Variants in AKNAD1 observed in about 807,000 individuals in gnomAD.
The protein encoded by AKNAD1 is AKNA domain containing 1, also known as protein AKNAD1.
AKNAD1 carries 67 observed loss-of-function variants against 90.8 expected under a neutral mutation model. The ratio of observed to expected loss-of-function variants is 0.74; its 90% confidence interval spans 0.61 to 0.90. The LOEUF (loss-of-function observed/expected upper bound fraction) is 0.90, where lower values mean the gene tolerates loss of function less well. AKNAD1 is among the 40% of genes least tolerant of loss of function. The pLI, the probability that AKNAD1 is intolerant of heterozygous loss-of-function variation, is 0.00. For synonymous variants in AKNAD1, 327 were observed against 341.4 expected (o/e 0.96, Z 0.46); for missense variants, 957 against 975.4 (o/e 0.98, Z 0.25).
At position 108,856,917 on chromosome 1, in the gene AKNAD1, G is replaced by A. The variant is rs1013271848; in HGVS notation, c.-104+12C>T. On this transcript the variant is annotated intron_variant, in intron 1 of 15. Coordinates refer to ENST00000370001, the MANE Select transcript of AKNAD1 (RefSeq NM_152763.5). ...ATCAAGAGGATTTTTTCTGGAAAAG[G>A]ACAATCCATACCCTTAGCAAGGTAA... 7 of 152,120 alleles carry A rather than the reference G, an allele frequency of 4.6e-5. No homozygotes were observed. Among genetic ancestry groups the A allele is most frequent in the African/African-American group, 1.7e-4 (7 of 41,424 alleles). 9.4% of individuals were successfully genotyped at this position (152,120 alleles called of 1,614,324 possible). A position where few individuals can be genotyped will look rare whatever the true frequency, so the allele number is the denominator to read the frequency against.
chr1:108,840,681 A>G (rs540263937), intron 6 of AKNAD1, among the ~76,000 whole-genome samples: 21 of 152,338 alleles, frequency 1.4e-4, no homozygotes, highest in Admixed American at 5.2e-4. Context: ...ACAGTTCTGT[A>G]TACATGTGGA....
chr1:108,817,152 A>G lies in AKNAD1; in HGVS notation c.2275T>C (p.Tyr759His). 6.2e-7 allele frequency: 1 copy of G among 1,614,080 alleles called. No homozygotes were observed. Among genetic ancestry groups the G allele is most frequent in the Non-Finnish European group, 8.5e-7 (1 of 1,180,000 alleles). Residue 759 changes from tyrosine (Y) to histidine (H), a missense_variant, in exon 15 of 16, where the codon TAC (tyrosine) becomes CAC (histidine). Tyr to His is a moderately conservative substitution (Grantham distance 83). Transcript: ENST00000370001. ...GKKKLQAFMT[Y>H]SSDPATPSPH... ...GAGGGTGTTGCAGGGTCTGAGCTGT[A>G]GGTCATGAAAGCCTGAAGTTTTTTT...
intron 11 of AKNAD1, among the ~76,000 whole-genome samples, chr1:108,824,860 T>C (rs1663944486): frequency 1.3e-5 from 2 of 151,786 alleles, no homozygotes; most frequent in South Asian, 4.2e-4. Context: ...CTTTAAAATG[T>C]AGAGCCTAAT....
intron 5 of AKNAD1, among the ~76,000 whole-genome samples, chr1:108,844,978 C>G (rs1040610444): frequency 2.0e-5 from 3 of 152,022 alleles, no homozygotes; most frequent in African/African-American, 7.3e-5. Flanking sequence ...ACCACCATGC[C>G]TGGCTAATTT....
In AKNAD1 at chr1:108,834,926, C is replaced by A. The variant is rs777089381; in HGVS notation, c.1664+3G>T. 1.3e-6 allele frequency: 2 copies of A among 1,530,092 alleles called. No individual in the cohort carries two copies. The allele number at this position is 1,530,092 out of a possible 1,614,324, so 94.8% of individuals were successfully genotyped here. A position where few individuals can be genotyped will look rare whatever the true frequency, so the allele number is the denominator to read the frequency against. ...CTGCTGGGGCTCCAGGGCTAGGACT[C>A]ACGTCTGCGGGGCCAGCTCACAGAG... On this transcript the variant is annotated splice_donor_region_variant and intron_variant, in intron 8 of 15. Transcript: ENST00000370001.
At chr1:108,830,502 A>G in intron 10 of AKNAD1, 57 bp downstream of exon 10, 1 of 1,542,232 alleles carries the variant, frequency 6.5e-7, no homozygotes, top group East Asian at 2.2e-5. Flanking sequence ...CACTGGAGTT[A>G]CTATGCCAGG....
intron 5 of AKNAD1, among the ~76,000 whole-genome samples, chr1:108,847,507 T>G (rs1426435529): frequency 6.7e-6 from 1 of 149,800 alleles, no homozygotes; most frequent in Non-Finnish European, 1.5e-5. Context: ...GCCTCAGGCA[T>G]GGCTTAAAGG....
chr1:108,847,481 G>A (rs968681019), intron 5 of AKNAD1, among the ~76,000 whole-genome samples: 1 of 149,738 alleles, frequency 6.7e-6, no homozygotes, highest in Non-Finnish European at 1.5e-5. Flanking sequence ...AACCTTCAAT[G>A]CTGCCCAATT....
At chr1:108,853,688 C>A (rs1194991567) in intron 1 of AKNAD1, among the ~76,000 whole-genome samples, 1 of 152,030 alleles carries the variant, frequency 6.6e-6, no homozygotes, top group African/African-American at 2.4e-5. Context: ...AATCCCAGCA[C>A]TTTGGGAGGC....
chr1:108,820,801 C>T (rs1663788035), intron 13 of AKNAD1, among the ~76,000 whole-genome samples, 175 bp from the exon 14 acceptor site: 1 of 152,130 alleles, frequency 6.6e-6, no homozygotes, highest in African/African-American at 2.4e-5. Flanking sequence ...GTGGCTCACG[C>T]CTGTAATCCC....
In AKNAD1 at chr1:108,817,158, T is replaced by C. The variant is rs758957023; in HGVS notation, c.2269A>G (p.Met757Val). The change falls in exon 15 of 16, where the codon ATG becomes GTG. Residue 757 changes from methionine (M) to valine (V), a missense_variant. Transcript: ENST00000370001. Reference sequence around the variant, plus strand: ...GTTGCAGGGTCTGAGCTGTAGGTCATGAAAGCCTGAAGTTTTTTTCTGGAA... The same window carrying C: ...GTTGCAGGGTCTGAGCTGTAGGTCACGAAAGCCTGAAGTTTTTTTCTGGAA... ...TPGKKKLQAF[M>V]TYSSDPATPS... The C allele has an allele frequency of 1.9e-6, 3 of 1,614,024 alleles. No homozygotes were observed. Among genetic ancestry groups the C allele is most frequent in the South Asian group, 1.1e-5 (1 of 91,058 alleles).
chr1:108,836,572 G>T (rs1449391220), intron 7 of AKNAD1, among the ~76,000 whole-genome samples: 1 of 152,166 alleles, frequency 6.6e-6, no homozygotes, highest in South Asian at 2.1e-4. Flanking sequence ...ATTTTGCCAG[G>T]CAAGTAAGTG....
chr1:108,837,479 A>T, intron 7 of AKNAD1, 71 bp downstream of exon 7: 1 of 1,416,700 alleles, frequency 7.1e-7, no homozygotes, highest in Non-Finnish European at 9.6e-7. Context: ...TGAATCCATG[A>T]ATTAGGAGTC....
chr1:108,833,948 AATT>A (rs1346631719), intron 9 of AKNAD1, among the ~76,000 whole-genome samples: 1 of 152,010 alleles, frequency 6.6e-6, no homozygotes, highest in East Asian at 1.9e-4. Context: ...GAGCCAACAT[AATT>A]ATTATATCAT....
chr1:108,851,093 AG>A (rs1380319178), intron 2 of AKNAD1, among the ~76,000 whole-genome samples: 3 of 152,236 alleles, frequency 2.0e-5, no homozygotes, highest in Admixed American at 2.0e-4. Flanking sequence ...GGCAATGGAA[AG>A]GCGAAGATAA....
At chr1:108,849,390 G>T in intron 3 of AKNAD1, 147 bp downstream of exon 3, 1 of 603,332 alleles carries the variant, frequency 1.7e-6, no homozygotes, top group Non-Finnish European at 2.9e-6. Flanking sequence ...GAGGTGGGAG[G>T]ATCATTTGAG....
intron 2 of AKNAD1, 62 bp downstream of exon 2, chr1:108,851,610 C>A: frequency 6.9e-7 from 1 of 1,459,122 alleles, no homozygotes; most frequent in Non-Finnish European, 9.1e-7. Flanking sequence ...TCCAAAAACC[C>A]ACACTGAAAG....
Position 108,823,493 on chromosome 1 carries a change from T to A in AKNAD1, c.2060-16A>T, listed in dbSNP as rs1363357261. The A allele has an allele frequency of 4.3e-6, 7 of 1,612,290 alleles. No individual in the cohort carries two copies. Among genetic ancestry groups the A allele is most frequent in the Admixed American group, 1.7e-5 (1 of 59,998 alleles). ...TAATGAAATTCTGGGAAGAAAAGAT[T>A]AAAAATACAGTTAATTGCCTGGGAA... On this transcript the variant is annotated splice_polypyrimidine_tract_variant and intron_variant, in intron 12 of 15. Coordinates refer to ENST00000370001, the MANE Select transcript of AKNAD1 (RefSeq NM_152763.5).
chr1:108,848,550 C>A (rs1664766537), intron 5 of AKNAD1, among the ~76,000 whole-genome samples: 1 of 152,080 alleles, frequency 6.6e-6, no homozygotes, highest in African/African-American at 2.4e-5. Context: ...GTAATAGATC[C>A]CCTGAGAAGG....
Sources: gnomAD v4.1 joint callset for allele counts (sites outside exome capture counted in the v4.1 genomes callset) on GRCh38, gnomAD v4.1.1 for gene constraint, MANE v1.5 for transcripts, NCBI Gene and HGNC (gene_info 2026-07-23, HGNC 2026-07-21) for gene names.